CDKAL1: variants seen among roughly 807,000 people sequenced by gnomAD.
CDKAL1 encodes the protein threonylcarbamoyladenosine tRNA methylthiotransferase.
CDKAL1 carries 32 observed loss-of-function variants against 68.2 expected under a neutral mutation model. That is an observed-to-expected ratio of 0.47 (90% confidence interval 0.35 to 0.63). CDKAL1 has a LOEUF of 0.63. Ranked by LOEUF, CDKAL1 falls within the 30% of genes least tolerant of loss-of-function variation. CDKAL1 has a pLI of 0.00. For missense variants in CDKAL1, 606 were observed against 696.7 expected, an observed-to-expected ratio of 0.87 and a Z score of 1.47; for synonymous variants, 234 against 244.3, an observed-to-expected ratio of 0.96 and a Z score of 0.39.
chr6:21,145,060 G>T (rs114076052), intron 13 of CDKAL1, among the ~76,000 whole-genome samples: 1,606 of 152,218 alleles, frequency 0.011, 22 homozygotes, highest in African/African-American at 0.029. Context: ...AGAGCCTTCA[G>T]GATTGTAATG....
chr6:20,823,703 C>G (rs1777382716), intron 8 of CDKAL1, among the ~76,000 whole-genome samples: 1 of 152,120 alleles, frequency 6.6e-6, no homozygotes, highest in African/African-American at 2.4e-5. Context: ...TTGGATTCAT[C>G]AAATAACTCT....
At chr6:20,833,613 A>G (rs151128186) in intron 8 of CDKAL1, among the ~76,000 whole-genome samples, 1 of 152,300 alleles carries the variant, frequency 6.6e-6, no homozygotes, top group East Asian at 1.9e-4. Context: ...GGATGATGCA[A>G]TGAAAAAATC....
chr6:20,746,075 T>A (rs1773653751), intron 6 of CDKAL1, among the ~76,000 whole-genome samples: 1 of 152,218 alleles, frequency 6.6e-6, no homozygotes, highest in South Asian at 2.1e-4. Context: ...TTGTGCCTCC[T>A]TTACCCCTCC....
At chr6:20,902,079 TC>T (rs1296940531) in intron 9 of CDKAL1, among the ~76,000 whole-genome samples, 1 of 136,194 alleles carries the variant, frequency 7.3e-6, no homozygotes, top group South Asian at 2.5e-4. Flanking sequence ...GTAACCACTG[TC>T]CCCCTGACTT....
At chr6:20,619,013 A>G (rs1208762984) in intron 4 of CDKAL1, among the ~76,000 whole-genome samples, 2 of 152,188 alleles carry the variant, frequency 1.3e-5, no homozygotes, top group East Asian at 1.9e-4. Context: ...ATATACTTCT[A>G]TGATAGTGAC....
At chr6:20,770,789 A>G (rs1774908232) in intron 7 of CDKAL1, among the ~76,000 whole-genome samples, 1 of 152,228 alleles carries the variant, frequency 6.6e-6, no homozygotes. Context: ...CTTGGTTTTA[A>G]GAAGTGGAAA....
intron 4 of CDKAL1, among the ~76,000 whole-genome samples, chr6:20,598,389 C>T (rs1765932677): frequency 6.6e-6 from 1 of 152,128 alleles, no homozygotes; most frequent in South Asian, 2.1e-4. Flanking sequence ...TACTGAGCTT[C>T]ACATTGATTT....
chr6:20,575,615 C>T (rs1400533005), intron 4 of CDKAL1, among the ~76,000 whole-genome samples: 1 of 151,884 alleles, frequency 6.6e-6, no homozygotes, highest in Admixed American at 6.6e-5. Flanking sequence ...TATGGTTTAT[C>T]TTCACATTAA....
chr6:20,974,283 G>A (rs1457166755), intron 10 of CDKAL1, among the ~76,000 whole-genome samples: 2 of 152,188 alleles, frequency 1.3e-5, no homozygotes, highest in Non-Finnish European at 2.9e-5. Flanking sequence ...ATCTCTTCTA[G>A]TCATATTAAA....
intron 12 of CDKAL1, among the ~76,000 whole-genome samples, chr6:21,072,804 T>C (rs1440457047): frequency 6.6e-5 from 10 of 152,016 alleles, no homozygotes; most frequent in African/African-American, 1.9e-4. Flanking sequence ...CCCAGTACAT[T>C]TGTTACAATC....
chr6:20,892,314 T>C (rs1441528267), intron 9 of CDKAL1, among the ~76,000 whole-genome samples: 2 of 152,202 alleles, frequency 1.3e-5, no homozygotes, highest in Admixed American at 6.5e-5. Context: ...TTGAAATATG[T>C]GGACTGTATA....
intron 10 of CDKAL1, among the ~76,000 whole-genome samples, chr6:20,983,411 T>C (rs1316933268): frequency 6.6e-6 from 1 of 152,208 alleles, no homozygotes; most frequent in Non-Finnish European, 1.5e-5. Flanking sequence ...ATTACATGTA[T>C]TTTATATATC....
chr6:21,125,539 G>T (rs1408019238), intron 13 of CDKAL1, among the ~76,000 whole-genome samples: 1 of 152,158 alleles, frequency 6.6e-6, no homozygotes, highest in Non-Finnish European at 1.5e-5. Context: ...GGGCATGGTG[G>T]TGCTTGCCTG....
At chr6:21,055,348 T>TA (rs942447418) in intron 11 of CDKAL1, among the ~76,000 whole-genome samples, 110 of 152,138 alleles carry the variant, frequency 7.2e-4, no homozygotes, top group African/African-American at 2.4e-3. Flanking sequence ...TGATTTTCTT[T>TA]AAAAAAAACT....
intron 5 of CDKAL1, among the ~76,000 whole-genome samples, chr6:20,701,579 A>T (rs1051466054): frequency 2.6e-5 from 4 of 151,930 alleles, no homozygotes; most frequent in Admixed American, 2.6e-4. Flanking sequence ...TGCTTGTGGA[A>T]CCTTTATACA....
Position 20,614,520 on chromosome 6 carries a change from T to G in CDKAL1, c.287-34773T>G, listed in dbSNP as rs542702912. 2.6e-5 allele frequency among the ~76,000 whole-genome samples: 4 copies of G among 152,316 alleles called. No individual in the cohort carries two copies. In the South Asian group the frequency reaches 8.3e-4, roughly 32 times the overall value. ...CCAAAAGCTAACTTACTAAATGTAT[T>G]TGTATTCCTTCTCTCATATTTAAGA... On this transcript the variant is annotated intron_variant, in intron 4 of 15. Transcript: ENST00000274695.
intron 15 of CDKAL1, among the ~76,000 whole-genome samples, chr6:21,217,204 T>C (rs559463035): frequency 1.3e-5 from 2 of 151,898 alleles, no homozygotes; most frequent in Admixed American, 1.3e-4. Context: ...ATTCAGATTT[T>C]CTCTTCAGCA....
chr6:20,728,416 G>C (rs1772751928), intron 5 of CDKAL1, among the ~76,000 whole-genome samples: 1 of 152,166 alleles, frequency 6.6e-6, no homozygotes, highest in African/African-American at 2.4e-5. Flanking sequence ...ATGGTAGATT[G>C]AGTAGATAAG....
chr6:21,093,131 C>T (rs13214341), intron 12 of CDKAL1, among the ~76,000 whole-genome samples: 22,060 of 152,048 alleles, frequency 0.15, 2,012 homozygotes, highest in East Asian at 0.26. Flanking sequence ...TCCCCATGGA[C>T]GCAGCATTAT....
Sources: gnomAD v4.1 joint callset for allele counts (sites outside exome capture counted in the v4.1 genomes callset) on GRCh38, gnomAD v4.1.1 for gene constraint, MANE v1.5 for transcripts, NCBI Gene and HGNC (gene_info 2026-07-23, HGNC 2026-07-21) for gene names.